Variants in FRMD5 observed in about 807,000 individuals in gnomAD.
FRMD5 encodes the protein FERM domain-containing protein 5.
A neutral mutation model predicts 69.0 loss-of-function variants in FRMD5; 20 were observed. That is an observed-to-expected ratio of 0.29 (90% confidence interval 0.20 to 0.42). FRMD5 has a LOEUF of 0.42. Ranked by LOEUF, FRMD5 falls within the 10% of genes least tolerant of loss-of-function variation. The pLI is 1.00. For synonymous variants in FRMD5, 271 were observed against 260.1 expected, an observed-to-expected ratio of 1.04 and a Z score of -0.40; for missense variants, 595 against 708.6, an observed-to-expected ratio of 0.84 and a Z score of 1.82.
intron 1 of FRMD5, among the ~76,000 whole-genome samples, chr15:44,168,596 C>G (rs1174978435): frequency 2.6e-5 from 4 of 152,162 alleles, no homozygotes; most frequent in African/African-American, 9.7e-5. Flanking sequence ...AACAACTCTA[C>G]TTTCTGAAAG....
At chr15:43,888,578 G>C (rs139857646) in intron 9 of FRMD5, among the ~76,000 whole-genome samples, 2 of 152,320 alleles carry the variant, frequency 1.3e-5, no homozygotes, top group Non-Finnish European at 2.9e-5. Flanking sequence ...TGCATTTCCT[G>C]GAGGTAAAGA....
intron 1 of FRMD5, among the ~76,000 whole-genome samples, chr15:44,153,136 A>G (rs1019110254): frequency 1.3e-5 from 2 of 152,210 alleles, no homozygotes; most frequent in Non-Finnish European, 2.9e-5. Flanking sequence ...TACAGCCACT[A>G]TAGAAAATAG....
intron 1 of FRMD5, among the ~76,000 whole-genome samples, chr15:43,995,565 G>A (rs1889881466): frequency 6.6e-6 from 1 of 152,080 alleles, no homozygotes; most frequent in South Asian, 2.1e-4. Flanking sequence ...CTGGACCATG[G>A]GTCTGCTGAA....
chr15:44,050,528 CTTTT>C (rs34133842), intron 1 of FRMD5, among the ~76,000 whole-genome samples: 35 of 93,742 alleles, frequency 3.7e-4, no homozygotes, highest in African/African-American at 1.0e-3. Context: ...GCCTGGCTCC[CTTTT>C]TTTTTTTTTT....
chr15:43,924,872 A>T (rs1481065479), intron 1 of FRMD5, among the ~76,000 whole-genome samples: 1 of 152,174 alleles, frequency 6.6e-6, no homozygotes, highest in Non-Finnish European at 1.5e-5. Context: ...TGAATAAGTG[A>T]TCAGGCACAT....
chr15:44,072,387 T>G (rs1169703461), intron 1 of FRMD5, among the ~76,000 whole-genome samples: 1 of 152,174 alleles, frequency 6.6e-6, no homozygotes, highest in Non-Finnish European at 1.5e-5. Context: ...CATATAAATG[T>G]TTGTACCTTT....
intron 1 of FRMD5, among the ~76,000 whole-genome samples, chr15:43,952,507 T>C (rs545360295): frequency 3.3e-5 from 5 of 152,232 alleles, no homozygotes; most frequent in African/African-American, 4.8e-5. Context: ...CCAGTCTCTT[T>C]CCATGCGCTG....
chr15:44,016,383 A>G (rs1890957255), intron 1 of FRMD5, among the ~76,000 whole-genome samples: 1 of 152,166 alleles, frequency 6.6e-6, no homozygotes, highest in Admixed American at 6.5e-5. Flanking sequence ...GAAACAGGCC[A>G]TAGGGATGCA....
intron 1 of FRMD5, among the ~76,000 whole-genome samples, chr15:44,156,619 A>G (rs2077533237): frequency 6.6e-6 from 1 of 152,182 alleles, no homozygotes; most frequent in Non-Finnish European, 1.5e-5. Flanking sequence ...CATATATATG[A>G]TCTAAGAAAG....
At chr15:43,957,571 A>G (rs925645155) in intron 1 of FRMD5, among the ~76,000 whole-genome samples, 2 of 152,232 alleles carry the variant, frequency 1.3e-5, no homozygotes, top group Non-Finnish European at 2.9e-5. Context: ...TTCAATTTCT[A>G]ATCTTTGGTT....
At chr15:44,149,787 T>C (rs1043533551) in intron 1 of FRMD5, among the ~76,000 whole-genome samples, 2 of 151,994 alleles carry the variant, frequency 1.3e-5, no homozygotes, top group African/African-American at 4.8e-5. Flanking sequence ...GTAGAGACAG[T>C]TCTCATTCTC....
rs1889684970 is a variant in FRMD5 at position 43,991,677 on chromosome 15, C to CA, written c.103-67369dup. ...ACATTAAACTAGACAGTTCTTGCCA[C>CA]AAAAAATCCACAATCTCGTCTCTAT... On this transcript the variant is annotated intron_variant, in intron 1 of 13. Transcript: ENST00000417257. 4.6e-5 allele frequency among the ~76,000 whole-genome samples: 7 copies of CA among 152,230 alleles called. No individual in the cohort carries two copies. In the South Asian group the frequency reaches 1.2e-3, roughly 27 times the overall value.
intron 1 of FRMD5, among the ~76,000 whole-genome samples, chr15:44,068,915 T>A (rs1893419202): frequency 6.6e-6 from 1 of 151,998 alleles, no homozygotes; most frequent in African/African-American, 2.4e-5. Flanking sequence ...GAAGGCAGAG[T>A]CAAGGAATGA....
At chr15:44,160,655 C>G (rs369371779) in intron 1 of FRMD5, among the ~76,000 whole-genome samples, 7 of 152,300 alleles carry the variant, frequency 4.6e-5, no homozygotes, top group African/African-American at 1.4e-4. Flanking sequence ...GATTATATAT[C>G]ATGATTTATT....
chr15:43,915,843 ACTGACAG>A (rs2089376588), intron 4 of FRMD5, among the ~76,000 whole-genome samples: 1 of 152,148 alleles, frequency 6.6e-6, no homozygotes, highest in South Asian at 2.1e-4. Flanking sequence ...GAAAAAACAC[ACTGACAG>A]CTAAATTAGT....
At chr15:44,096,162 C>T (rs1191133312) in intron 1 of FRMD5, among the ~76,000 whole-genome samples, 3 of 141,608 alleles carry the variant, frequency 2.1e-5, no homozygotes, top group African/African-American at 5.4e-5. Flanking sequence ...GCCAATATCA[C>T]GCCATTGCAC....
chr15:44,026,720 A>C (rs528037793), intron 1 of FRMD5, among the ~76,000 whole-genome samples: 14 of 152,332 alleles, frequency 9.2e-5, no homozygotes, highest in Admixed American at 2.6e-4. Flanking sequence ...CAAACCAGAA[A>C]TATATCAGCA....
At chr15:44,007,105 C>A (rs1281331348) in intron 1 of FRMD5, among the ~76,000 whole-genome samples, 2 of 152,186 alleles carry the variant, frequency 1.3e-5, no homozygotes, top group Non-Finnish European at 2.9e-5. Flanking sequence ...CAGCTGTCAA[C>A]ATCAAGGCAG....
intron 1 of FRMD5, among the ~76,000 whole-genome samples, chr15:43,971,247 A>AC (rs2090372021): frequency 6.6e-6 from 1 of 151,970 alleles, no homozygotes; most frequent in Non-Finnish European, 1.5e-5. Context: ...TCACAAAAAA[A>AC]CAAAAAACAA....
Sources: gnomAD v4.1 joint callset for allele counts (sites outside exome capture counted in the v4.1 genomes callset) on GRCh38, gnomAD v4.1.1 for gene constraint, MANE v1.5 for transcripts, NCBI Gene and HGNC (gene_info 2026-07-23, HGNC 2026-07-21) for gene names.